Variants in CDH13 observed in about 807,000 individuals in gnomAD.
The protein encoded by CDH13 is cadherin 13.
In CDH13, 24 loss-of-function variants were observed where a neutral mutation model predicts 63.8. That is an observed-to-expected ratio of 0.38 (90% CI 0.27 to 0.53). The LOEUF is 0.53. CDH13 is among the 20% of genes least tolerant of loss of function. CDH13 has a pLI of 0.85. For missense variants in CDH13, 1,049 were observed against 903.1 expected (o/e 1.16, Z -2.07); for synonymous variants, 503 against 355.3 (o/e 1.42, Z -4.67).
intron 3 of CDH13, among the ~76,000 whole-genome samples, chr16:83,098,707 A>G (rs2034326815): frequency 6.6e-6 from 1 of 152,194 alleles, no homozygotes; most frequent in African/African-American, 2.4e-5. Flanking sequence ...CATTGTTGCT[A>G]ACAAGACATC....
At chr16:82,731,755 A>G (rs915562255) in intron 1 of CDH13, among the ~76,000 whole-genome samples, 2 of 152,256 alleles carry the variant, frequency 1.3e-5, no homozygotes, top group African/African-American at 4.8e-5. Flanking sequence ...AATTTACAAT[A>G]TAGAAAATTG....
At chr16:83,678,074 C>T (rs900690308) in intron 9 of CDH13, 134 bp from the exon 10 acceptor site, 7 of 728,054 alleles carry the variant, frequency 9.6e-6, no homozygotes, top group Non-Finnish European at 1.5e-5. Context: ...CCCAGTTACA[C>T]AGGCTTAGCC....
chr16:83,491,895 G>C (rs2325957), intron 7 of CDH13, among the ~76,000 whole-genome samples: 1 of 152,102 alleles, frequency 6.6e-6, no homozygotes, highest in African/African-American at 2.4e-5. Flanking sequence ...AAAATGGAGA[G>C]AATTTCTTTC....
chr16:83,583,258 T>G (rs1213810480), intron 7 of CDH13, among the ~76,000 whole-genome samples: 1 of 152,198 alleles, frequency 6.6e-6, no homozygotes, highest in Non-Finnish European at 1.5e-5. Context: ...TTTAACTTAA[T>G]TACATCTGCA....
intron 1 of CDH13, chr16:82,639,212 C>T: frequency 2.1e-6 from 1 of 483,210 alleles, no homozygotes; most frequent in Non-Finnish European, 3.6e-6. Context: ...AGATAGCTGC[C>T]TGGGATGACT....
intron 4 of CDH13, among the ~76,000 whole-genome samples, chr16:83,160,661 A>T (rs1655458404): frequency 6.6e-6 from 1 of 152,146 alleles, no homozygotes; most frequent in Non-Finnish European, 1.5e-5. Context: ...CAGTGACATG[A>T]CTTCTGATCT....
intron 5 of CDH13, among the ~76,000 whole-genome samples, chr16:83,337,673 T>A (rs2090629376): frequency 7.5e-6 from 1 of 132,522 alleles, no homozygotes; most frequent in African/African-American, 2.8e-5. Flanking sequence ...GTGTGTAGTG[T>A]CATGGAAGGA....
chr16:83,399,497 C>G (rs985202485), intron 6 of CDH13, among the ~76,000 whole-genome samples: 3 of 152,194 alleles, frequency 2.0e-5, no homozygotes, highest in Admixed American at 1.3e-4. Context: ...CACTATGTCT[C>G]TCTCCCATCC....
chr16:83,141,572 A>G (rs768192345), intron 4 of CDH13, among the ~76,000 whole-genome samples: 3 of 152,150 alleles, frequency 2.0e-5, no homozygotes, highest in Non-Finnish European at 2.9e-5. Flanking sequence ...ACATAGGTAT[A>G]CATGTGCCAT....
intron 1 of CDH13, among the ~76,000 whole-genome samples, chr16:82,830,453 T>C (rs951167689): frequency 2.6e-5 from 4 of 152,154 alleles, no homozygotes; most frequent in Non-Finnish European, 5.9e-5. Flanking sequence ...ATGGGTATAG[T>C]GCCTGGCACA....
At chr16:83,422,835 T>C (rs1271741087) in intron 6 of CDH13, among the ~76,000 whole-genome samples, 1 of 152,118 alleles carries the variant, frequency 6.6e-6, no homozygotes, top group Non-Finnish European at 1.5e-5. Flanking sequence ...CTTAGAAAAG[T>C]GCCTGGGACA....
chr16:83,292,446 A>G (rs1310960664), intron 5 of CDH13, among the ~76,000 whole-genome samples: 1 of 152,038 alleles, frequency 6.6e-6, no homozygotes, highest in Non-Finnish European at 1.5e-5. Flanking sequence ...AGAACTCTCC[A>G]TTACTCCCCC....
intron 1 of CDH13, among the ~76,000 whole-genome samples, chr16:82,777,131 G>GTGTT (rs956123706): frequency 1.3e-5 from 2 of 152,092 alleles, no homozygotes; most frequent in Non-Finnish European, 2.9e-5. Flanking sequence ...GTTTGTTTGT[G>GTGTT]TGTTTGTTTG....
chr16:82,986,908 A>G (rs1030614622), intron 2 of CDH13, among the ~76,000 whole-genome samples: 4 of 152,190 alleles, frequency 2.6e-5, no homozygotes, highest in African/African-American at 7.2e-5. Context: ...GGACAGACTC[A>G]CCTGGTTTGG....
chr16:83,335,701 A>C (rs1481982485), intron 5 of CDH13, among the ~76,000 whole-genome samples: 2 of 152,176 alleles, frequency 1.3e-5, no homozygotes, highest in African/African-American at 4.8e-5. Context: ...TATAGGTTAC[A>C]GAAATTGTAT....
At chr16:83,348,192 A>G (rs200255349) in intron 6 of CDH13, among the ~76,000 whole-genome samples, 3 of 152,064 alleles carry the variant, frequency 2.0e-5, no homozygotes, top group East Asian at 1.9e-4. Context: ...TCCATCTAGG[A>G]AAAAAATGAA....
intron 2 of CDH13, among the ~76,000 whole-genome samples, chr16:82,916,304 C>T (rs1031586706): frequency 6.6e-5 from 10 of 152,038 alleles, no homozygotes; most frequent in South Asian, 2.1e-4. Context: ...GGCCGGGTGC[C>T]GTAGCTCACG....
rs191399884 is a variant in CDH13 at position 83,027,867 on chromosome 16, A to G, written c.158-4143A>G. On this transcript the variant is annotated intron_variant, in intron 2 of 13. Coordinates refer to ENST00000567109, the MANE Select transcript of CDH13 (RefSeq NM_001257.5). Reference sequence around the variant, plus strand: ...TCTCTGCCTAAGTAATAGGTCCCCAATTATTTATAAGAGTAGTAAATTGAT... The same window carrying G: ...TCTCTGCCTAAGTAATAGGTCCCCAGTTATTTATAAGAGTAGTAAATTGAT... Among the ~76,000 whole-genome samples, 296 of 152,330 alleles carry G rather than the reference A, an allele frequency of 1.9e-3. 1 individual carries two copies. Among genetic ancestry groups the G allele is most frequent in the Middle Eastern group, 0.017 (5 of 294 alleles).
chr16:82,737,875 C>G (rs979446590), intron 1 of CDH13, among the ~76,000 whole-genome samples: 3 of 152,234 alleles, frequency 2.0e-5, no homozygotes, highest in African/African-American at 4.8e-5. Flanking sequence ...TATACAAGCA[C>G]TGGTGAAACC....
Sources: gnomAD v4.1 joint callset for allele counts (sites outside exome capture counted in the v4.1 genomes callset) on GRCh38, gnomAD v4.1.1 for gene constraint, MANE v1.5 for transcripts, NCBI Gene and HGNC (gene_info 2026-07-23, HGNC 2026-07-21) for gene names.